The following PNPLA1 variants were observed in gnomAD, a reference collection of about 807,000 sequenced individuals.
PNPLA1 encodes the protein patatin like domain 1, omega-hydroxyceramide transacylase.
Under a neutral mutation model 51.7 loss-of-function variants are expected in PNPLA1, and 36 were observed. The ratio of observed to expected loss-of-function variants is 0.70; its 90% CI spans 0.53 to 0.92. The LOEUF is 0.92. Among genes scored for constraint, PNPLA1 ranks in the 40% least tolerant of loss-of-function variants. The pLI is 0.00. For missense variants in PNPLA1, 658 were observed against 682.5 expected (o/e 0.96, Z 0.40); for synonymous variants, 293 against 280.1 (o/e 1.05, Z -0.46).
intron 8 of PNPLA1, 66 bp downstream of exon 8, chr6:36,307,778 G>A: frequency 1.3e-6 from 2 of 1,589,612 alleles, no homozygotes; most frequent in Non-Finnish European, 1.7e-6. Context: ...TGTTCAGAGA[G>A]ATTCCGAGGA....
At chr6:36,301,323 A>G (rs1385352996) in intron 5 of PNPLA1, among the ~76,000 whole-genome samples, 1 of 152,034 alleles carries the variant, frequency 6.6e-6, no homozygotes, top group South Asian at 2.1e-4. Context: ...TGCTACAATA[A>G]TGCTTGCCAT....
chr6:36,243,879 G>A (rs962935404), intron 1 of PNPLA1, among the ~76,000 whole-genome samples: 3 of 152,208 alleles, frequency 2.0e-5, no homozygotes, highest in African/African-American at 7.2e-5. Flanking sequence ...GCCAGGGCTG[G>A]CTAAACATCT....
intron 8 of PNPLA1, among the ~76,000 whole-genome samples, chr6:36,311,168 A>G (rs943432343): frequency 2.6e-5 from 4 of 152,226 alleles, no homozygotes; most frequent in Admixed American, 2.0e-4. Context: ...CAGATGACTG[A>G]TGCACGCTGG....
At chr6:36,255,387 C>T (rs1769509378) in intron 1 of PNPLA1, among the ~76,000 whole-genome samples, 1 of 152,230 alleles carries the variant, frequency 6.6e-6, no homozygotes, top group South Asian at 2.1e-4. Context: ...TGCCTGTAAT[C>T]CCAACTACTT....
intron 1 of PNPLA1, among the ~76,000 whole-genome samples, chr6:36,253,673 C>T (rs1769470099): frequency 6.6e-6 from 1 of 152,100 alleles, no homozygotes; most frequent in African/African-American, 2.4e-5. Context: ...GAGACTGGGT[C>T]TCGATATTTT....
chr6:36,268,054 A>G (rs1367415817), upstream of PNPLA1, among the ~76,000 whole-genome samples: 2 of 151,886 alleles, frequency 1.3e-5, no homozygotes, highest in East Asian at 3.9e-4. Flanking sequence ...GGCCACCATC[A>G]TCCTAGGAGA....
chr6:36,295,411 C>T lies in PNPLA1; in HGVS notation c.762C>T (p.Tyr254=). ...GAGGGTACGAGGATGCAGTTTTGTA[C>T]TTGAGGCGGCTGAGTAAGTACCGGT... The part of the protein sequence containing the change: ...YYRGYEDAVL[Y]LRRLNAVYLN... Residue 254 remains tyrosine (Y), a synonymous_variant, in exon 5 of 9, where the codon TAC becomes TAT. Transcript: ENST00000636260. 6.2e-7 allele frequency: 1 copy of T among 1,614,180 alleles called. No individual in the cohort carries two copies.
rs546973070 is a variant in PNPLA1 at position 36,250,065 on chromosome 6, C to T, written c.-81+6804C>T. Among the ~76,000 whole-genome samples the T allele has an allele frequency of 4.6e-5, 7 of 152,304 alleles. No individual in the cohort carries two copies. The South Asian group carries it at 8.3e-4, about 18-fold the overall frequency. ...ACTCCTCATTTGCAGTGAACGCTTT[C>T]GGTTGGCTACCCAAACCATTCCCAG... is the stretch of plus-strand genomic sequence containing the variant. On this transcript the variant is annotated intron_variant, in intron 1 of 7. Coordinates refer to the PNPLA1 transcript ENST00000312917.
At chr6:36,306,401 G>A (rs1436811331) in intron 7 of PNPLA1, 25 bp downstream of exon 7, 4 of 1,585,044 alleles carry the variant, frequency 2.5e-6, no homozygotes, top group Non-Finnish European at 2.6e-6. Flanking sequence ...CGTGGAGCAC[G>A]CTCTTTCCTT....
chr6:36,271,449 C>T (rs1769913415), intron 1 of PNPLA1, among the ~76,000 whole-genome samples: 2 of 152,144 alleles, frequency 1.3e-5, no homozygotes, highest in Non-Finnish European at 2.9e-5. Flanking sequence ...GACAAGGTCC[C>T]CGCCCTTGTG....
chr6:36,265,285 G>A (rs902176559), upstream of PNPLA1, among the ~76,000 whole-genome samples: 9 of 152,170 alleles, frequency 5.9e-5, no homozygotes, highest in South Asian at 2.1e-4. Flanking sequence ...TGGTTGCAAT[G>A]AGCCGAGATA....
chr6:36,299,187 T>G (rs1041747975), intron 5 of PNPLA1, among the ~76,000 whole-genome samples: 20 of 152,202 alleles, frequency 1.3e-4, no homozygotes, highest in African/African-American at 4.8e-4. Context: ...TCAATTATTT[T>G]GGATATATAA....
At chr6:36,260,671 A>G (rs1030802406) in intron 1 of PNPLA1, among the ~76,000 whole-genome samples, 1 of 152,176 alleles carries the variant, frequency 6.6e-6, no homozygotes, top group Non-Finnish European at 1.5e-5. Flanking sequence ...TTTTTACACA[A>G]ATGGTAGCAT....
In PNPLA1 at chr6:36,313,083, T is replaced by G. The variant is rs1771440976; in HGVS notation, c.*1197T>G. On this transcript the variant is annotated 3_prime_UTR_variant, in exon 9 of 9. Coordinates refer to ENST00000636260, the MANE Select transcript of PNPLA1 (RefSeq NM_001374623.1). ...GAATTTGGTCAGGCAGCCCAGGCAT[T>G]GAGATCTTTAGAGCTCCCCCGGGAT... Among the ~76,000 whole-genome samples the G allele has an allele frequency of 6.6e-6, 1 of 152,162 alleles. No homozygotes were observed.
Position 36,286,851 on chromosome 6 carries a change from A to ATT in PNPLA1, c.206-4456_206-4455dup, listed in dbSNP as rs745386551. On this transcript the variant is annotated intron_variant, in intron 1 of 8. Transcript: ENST00000636260. ...ATGCCACCATGCCTGGCTAATTTAA[A>ATT]TTTTTTTTTTTTTTGTAGAGACAGG... Among the ~76,000 whole-genome samples, 1,137 of 144,080 alleles carry ATT rather than the reference A, an allele frequency of 7.9e-3. 16 individuals carry two copies. Among genetic ancestry groups the ATT allele is most frequent in the African/African-American group, 0.027 (1,078 of 39,452 alleles). The allele number at this position is 144,080 out of a possible 152,430, so 94.5% of individuals were successfully genotyped here. A position where few individuals can be genotyped will look rare whatever the true frequency, so the allele number is the denominator to read the frequency against.
intron 1 of PNPLA1, among the ~76,000 whole-genome samples, chr6:36,290,890 T>A (rs6914153): frequency 2.6e-5 from 4 of 152,004 alleles, no homozygotes; most frequent in Non-Finnish European, 5.9e-5. Flanking sequence ...TAGGAACAAC[T>A]TCCAACTGCA....
intron 1 of PNPLA1, among the ~76,000 whole-genome samples, chr6:36,288,204 T>C (rs1343645725): frequency 6.6e-6 from 1 of 152,220 alleles, no homozygotes; most frequent in African/African-American, 2.4e-5. Context: ...CATGAGATTG[T>C]TCATTGCATC....
chr6:36,290,511 A>G (rs1770642346), intron 1 of PNPLA1, among the ~76,000 whole-genome samples: 2 of 152,364 alleles, frequency 1.3e-5, no homozygotes, highest in East Asian at 1.9e-4. Context: ...TGATCAGTAA[A>G]AGGAAGATAG....
chr6:36,303,788 T>G (rs1236938727), intron 6 of PNPLA1, among the ~76,000 whole-genome samples: 1 of 152,200 alleles, frequency 6.6e-6, no homozygotes, highest in Non-Finnish European at 1.5e-5. Context: ...GCCAAGATTG[T>G]GCCATTGCAC....
Sources: gnomAD v4.1 joint callset for allele counts (sites outside exome capture counted in the v4.1 genomes callset) on GRCh38, gnomAD v4.1.1 for gene constraint, MANE v1.5 for transcripts, NCBI Gene and HGNC (gene_info 2026-07-23, HGNC 2026-07-21) for gene names.